Variants in LRRC1 observed in about 807,000 individuals in gnomAD.
LRRC1 encodes the protein leucine-rich repeat-containing protein 1.
Under a neutral mutation model 69.9 loss-of-function variants are expected in LRRC1, and 28 were observed. The ratio of observed to expected loss-of-function variants is 0.40; its 90% CI spans 0.30 to 0.55. The LOEUF is 0.55. Among genes scored for constraint, LRRC1 ranks in the 20% least tolerant of loss-of-function variants. The pLI is 0.47. For synonymous variants in LRRC1, 236 were observed against 240.2 expected (o/e 0.98, Z 0.16); for missense variants, 498 against 609.0 (o/e 0.82, Z 1.92).
intron 1 of LRRC1, among the ~76,000 whole-genome samples, chr6:53,828,599 G>C (rs1765339654): frequency 6.6e-6 from 1 of 152,150 alleles, no homozygotes; most frequent in South Asian, 2.1e-4. Context: ...GTATGTTTTA[G>C]CTCACTTGTT....
chr6:53,892,086 T>C (rs971279345), intron 4 of LRRC1, among the ~76,000 whole-genome samples: 11 of 149,478 alleles, frequency 7.4e-5, no homozygotes, highest in African/African-American at 2.7e-4. Flanking sequence ...ATAAATATAT[T>C]ATTACCTATT....
intron 1 of LRRC1, among the ~76,000 whole-genome samples, chr6:53,837,083 A>G (rs1182086191): frequency 6.6e-6 from 1 of 152,134 alleles, no homozygotes; most frequent in Non-Finnish European, 1.5e-5. Flanking sequence ...GTAGAATTTC[A>G]TTGTAATAAT....
Position 53,892,786 on chromosome 6 carries a change from C to T in LRRC1, c.447-3712C>T, listed in dbSNP as rs187998445. Among the ~76,000 whole-genome samples, 11 of 152,272 alleles carry T rather than the reference C, an allele frequency of 7.2e-5. No homozygotes were observed. The East Asian group carries it at 2.1e-3, about 29-fold the overall frequency. On this transcript the variant is annotated intron_variant, in intron 4 of 13. Coordinates refer to ENST00000370888, the MANE Select transcript of LRRC1 (RefSeq NM_018214.5). ...TGTTCTGGAGTGGGCTGGTTGGGTT[C>T]TACATTTTGGTGAAGGACTGTCCAA...
At chr6:53,829,569 A>G (rs1462606271) in intron 1 of LRRC1, among the ~76,000 whole-genome samples, 1 of 152,172 alleles carries the variant, frequency 6.6e-6, no homozygotes, top group Non-Finnish European at 1.5e-5. Flanking sequence ...AAAGGGGCCC[A>G]TGGTACCAGA....
chr6:53,795,358 T>C lies in LRRC1; in HGVS notation c.102T>C (p.Tyr34=). The change falls in exon 1 of 14, where the codon TAT becomes TAC. Residue 34 remains tyrosine, a synonymous_variant. Transcript: ENST00000370888. ...LVYVPEEIYR[Y]ARSLEELLLD... is the part of the protein sequence containing the mutation. ...ACGTCCCCGAGGAGATCTACCGCTATGCCCGGAGCCTGGAGGAGCTGCTGC... is the reference window on the plus strand; with the variant it reads ...ACGTCCCCGAGGAGATCTACCGCTACGCCCGGAGCCTGGAGGAGCTGCTGC... 2 of 1,613,846 alleles carry C rather than the reference T, an allele frequency of 1.2e-6. No homozygotes were observed. Among genetic ancestry groups the C allele is most frequent in the Non-Finnish European group, 1.7e-6 (2 of 1,179,966 alleles).
At chr6:53,900,031 T>TTTTTTTTTTG (rs1768003198) in intron 8 of LRRC1, 140 bp downstream of exon 8, 1 of 201,300 alleles carries the variant, frequency 5.0e-6, no homozygotes, top group African/African-American at 7.0e-5. Flanking sequence ...TTTTTTTTTT[T>TTTTTTTTTTG]TTTTTTTTTT....
intron 2 of LRRC1, among the ~76,000 whole-genome samples, chr6:53,876,234 A>G (rs1200624367): frequency 6.6e-6 from 1 of 152,170 alleles, no homozygotes; most frequent in African/African-American, 2.4e-5. Flanking sequence ...TAACTATCAG[A>G]TCTTGTGAGA....
rs199708347 is a variant in LRRC1, at chr6:53,882,874, T to G, written c.357-13T>G. ...TTTAATTTACAGCGTTTTGTTTGTT[T>G]GTTTGATTTTAGGTTGCCAGAAAGC... On this transcript the variant is annotated splice_polypyrimidine_tract_variant and intron_variant, in intron 3 of 13. Transcript: ENST00000370888. The G allele has an allele frequency of 3.8e-6, 6 of 1,559,922 alleles. No individual in the cohort carries two copies. In the Admixed American group the frequency reaches 1.1e-4, roughly 28 times the overall value.
intron 13 of LRRC1, 124 bp downstream of exon 13, chr6:53,920,885 A>G (rs1045506550): frequency 5.3e-5 from 59 of 1,108,132 alleles, no homozygotes; most frequent in Non-Finnish European, 7.4e-5. Context: ...GCATTTAGGA[A>G]TTTTTTTAGA....
chr6:53,806,099 C>A (rs906287755), intron 1 of LRRC1, among the ~76,000 whole-genome samples: 1 of 152,226 alleles, frequency 6.6e-6, no homozygotes, highest in South Asian at 2.1e-4. Context: ...CTGGACAGAC[C>A]TCTGGAGCTA....
rs749881251 is a variant in LRRC1 at position 53,922,815 on chromosome 6, C to T, written c.*22C>T. The T allele has an allele frequency of 1.9e-6, 3 of 1,607,066 alleles. No homozygotes were observed. Among genetic ancestry groups the T allele is most frequent in the East Asian group, 4.5e-5 (2 of 44,792 alleles). Reference sequence around the variant, plus strand: ...GTAGAGTTTCACCTCCAAGTTTTACCTCCTGTGTCTTCCTCTGCTGTCGAG... The same window carrying T: ...GTAGAGTTTCACCTCCAAGTTTTACTTCCTGTGTCTTCCTCTGCTGTCGAG... On this transcript the variant is annotated 3_prime_UTR_variant, in exon 14 of 14. Transcript: ENST00000370888.
At chr6:53,795,452 C>A (rs1252645543) in intron 1 of LRRC1, 37 bp downstream of exon 1, 2 of 1,582,436 alleles carry the variant, frequency 1.3e-6, no homozygotes, top group African/African-American at 2.7e-5. Flanking sequence ...TCTGCCCGCT[C>A]GTCTGCTGTC....
intron 1 of LRRC1, among the ~76,000 whole-genome samples, chr6:53,838,877 A>G (rs187904713): frequency 6.6e-6 from 1 of 152,214 alleles, no homozygotes; most frequent in Non-Finnish European, 1.5e-5. Flanking sequence ...TTAAAAAAAT[A>G]TGGTTTTTAA....
intron 2 of LRRC1, among the ~76,000 whole-genome samples, chr6:53,850,865 C>T (rs1299755125): frequency 6.6e-6 from 1 of 152,042 alleles, no homozygotes; most frequent in Admixed American, 6.6e-5. Context: ...CAACTAGTGG[C>T]CACAAAGTCT....
At chr6:53,818,529 C>T (rs1765018799) in intron 1 of LRRC1, among the ~76,000 whole-genome samples, 1 of 152,126 alleles carries the variant, frequency 6.6e-6, no homozygotes, top group South Asian at 2.1e-4. Context: ...TATTATTTGT[C>T]ACAGAGGAAC....
intron 2 of LRRC1, among the ~76,000 whole-genome samples, chr6:53,875,017 T>C (rs955975405): frequency 6.6e-6 from 1 of 152,228 alleles, no homozygotes; most frequent in African/African-American, 2.4e-5. Context: ...AATTGGCATT[T>C]TTTAAAATGT....
At chr6:53,867,367 G>A (rs993689783) in intron 2 of LRRC1, among the ~76,000 whole-genome samples, 15 of 152,066 alleles carry the variant, frequency 9.9e-5, no homozygotes, top group African/African-American at 2.9e-4. Flanking sequence ...TGCCTGGGCC[G>A]AATCCAGGAC....
intron 1 of LRRC1, among the ~76,000 whole-genome samples, chr6:53,803,943 G>A (rs1048982782): frequency 1.3e-5 from 2 of 152,266 alleles, no homozygotes; most frequent in Non-Finnish European, 2.9e-5. Flanking sequence ...CCACTGGCTT[G>A]TGAGAACCAG....
intron 10 of LRRC1, among the ~76,000 whole-genome samples, chr6:53,909,478 G>T (rs1768342269): frequency 6.6e-6 from 1 of 152,184 alleles, no homozygotes; most frequent in Admixed American, 6.5e-5. Flanking sequence ...GGTACTGGAA[G>T]ATTGTACCTC....
Sources: allele counts gnomAD v4.1 joint callset (sites outside exome capture counted in the v4.1 genomes callset), GRCh38; gene constraint gnomAD v4.1.1; transcripts MANE v1.5; gene names NCBI Gene and HGNC (gene_info 2026-07-23, HGNC 2026-07-21).